The following PLEKHH1 variants were observed in gnomAD, a reference collection of about 807,000 sequenced individuals.
PLEKHH1 encodes pleckstrin homology domain-containing family H member 1.
In PLEKHH1, 104 loss-of-function variants were observed where a neutral mutation model predicts 160.0. The ratio of observed to expected loss-of-function variants is 0.65; its 90% confidence interval spans 0.55 to 0.76. The LOEUF is 0.76. Ranked by LOEUF, PLEKHH1 falls within the 30% of genes least tolerant of loss-of-function variation. The pLI is 0.00. For synonymous variants in PLEKHH1, 619 were observed against 678.4 expected (o/e 0.91, Z 1.36); for missense variants, 1,427 against 1,724.1 (o/e 0.83, Z 3.05).
intron 1 of PLEKHH1, among the ~76,000 whole-genome samples, chr14:67,538,606 C>T (rs1259371148): frequency 6.6e-6 from 1 of 152,148 alleles, no homozygotes; most frequent in Non-Finnish European, 1.5e-5. Context: ...CTCTGACCAC[C>T]TGCTTCTGTC....
intron 2 of PLEKHH1, among the ~76,000 whole-genome samples, chr14:67,555,165 G>A (rs1262432669): frequency 6.6e-6 from 1 of 152,278 alleles, no homozygotes; most frequent in Non-Finnish European, 1.5e-5. Context: ...TGATCTTCCC[G>A]CCTTAGGCTT....
In PLEKHH1 at chr14:67,585,160, C is replaced by T. The variant is rs374504966; in HGVS notation, c.3700-408C>T. The T allele has an allele frequency of 9.6e-4, 158 of 163,838 alleles. 2 individuals carry two copies. The South Asian group carries it at 0.026, about 27-fold the overall frequency. 10.1% of individuals were successfully genotyped at this position (163,838 alleles called of 1,614,324 possible). A position where few individuals can be genotyped will look rare whatever the true frequency, so the allele number is the denominator to read the frequency against. ...AGATTGGCTGAAGTCAGAAGCACTT[C>T]GGCTTGGAGACTATAGGTGGAATGC... On this transcript the variant is annotated intron_variant, in intron 26 of 28. Transcript: ENST00000329153.
At chr14:67,577,879 C>T in intron 18 of PLEKHH1, 144 bp from the exon 19 acceptor site, 1 of 678,864 alleles carries the variant, frequency 1.5e-6, no homozygotes, top group East Asian at 2.7e-5. Context: ...CAGAGATGCC[C>T]TCCAACAGTA....
intron 2 of PLEKHH1, among the ~76,000 whole-genome samples, chr14:67,549,618 T>G (rs1235571651): frequency 6.6e-6 from 1 of 152,180 alleles, no homozygotes; most frequent in East Asian, 1.9e-4. Flanking sequence ...GCTGCCCTCC[T>G]GCTCACCATA....
chr14:67,565,647 C>G (rs72721039), intron 7 of PLEKHH1, among the ~76,000 whole-genome samples: 59,085 of 152,058 alleles, frequency 0.39, 11,868 homozygotes, highest in Non-Finnish European at 0.43. Flanking sequence ...GCAGACATCC[C>G]CTCCACAGAT....
chr14:67,583,171 A>C (rs2035983876), intron 24 of PLEKHH1, among the ~76,000 whole-genome samples: 1 of 152,230 alleles, frequency 6.6e-6, no homozygotes, highest in Non-Finnish European at 1.5e-5. Flanking sequence ...AAGGAAGAGG[A>C]AACAGTAATA....
chr14:67,544,169 G>A lies in PLEKHH1; in HGVS notation c.126+2176G>A, dbSNP rs139888295. On this transcript the variant is annotated intron_variant, in intron 2 of 28. Coordinates refer to ENST00000329153, the MANE Select transcript of PLEKHH1 (RefSeq NM_020715.3). The stretch of plus-strand genomic sequence containing the variant: ...TAAAGGGCTTACCCTAAATAACAAG[G>A]TAGACAAGGAAAGGAAAATCATTCA... Among the ~76,000 whole-genome samples the A allele has an allele frequency of 2.5e-3, 376 of 152,232 alleles. 1 individual carries two copies. The highest frequency in any genetic ancestry group is 4.5e-3 in the Non-Finnish European group (304 of 68,020).
rs757669002 is a variant in PLEKHH1 at position 67,587,154 on chromosome 14, A to T, written c.4014A>T (p.Gly1338=). The T allele has an allele frequency of 2.2e-5, 35 of 1,613,762 alleles. No homozygotes were observed. The highest frequency in any genetic ancestry group is 3.3e-5 in the Admixed American group (2 of 59,974). The change falls in exon 29 of 29, where the codon GGA becomes GGT. Residue 1338 remains glycine (G), a synonymous_variant. Transcript: ENST00000329153. ...TTVNPPTNPP[G]ACQLWELDGR... ...TGAACCCCCCCACCAACCCACCCGG[A>T]GCCTGCCAGCTGTGGGAACTGGATG...
chr14:67,556,911 G>A (rs1445093353), intron 3 of PLEKHH1, among the ~76,000 whole-genome samples: 1 of 152,070 alleles, frequency 6.6e-6, no homozygotes, highest in Non-Finnish European at 1.5e-5. Flanking sequence ...GGTGGGGTTG[G>A]GACAGTTGCT....
At chr14:67,577,961 C>T (rs751717788) in intron 18 of PLEKHH1, 62 bp from the exon 19 acceptor site, 31 of 1,493,848 alleles carry the variant, frequency 2.1e-5, no homozygotes, top group Admixed American at 1.6e-4. Context: ...ATGGCCAAGC[C>T]GTTGAGTTCT....
intron 18 of PLEKHH1, 30 bp from the exon 19 acceptor site, chr14:67,577,993 C>T: frequency 6.3e-7 from 1 of 1,598,062 alleles, no homozygotes; most frequent in Admixed American, 1.7e-5. Context: ...GGATGCTGGT[C>T]TGCCTGTGCT....
chr14:67,575,493 A>G, intron 15 of PLEKHH1, 21 bp downstream of exon 15: 2 of 1,461,776 alleles, frequency 1.4e-6, no homozygotes, highest in Non-Finnish European at 9.5e-7. Context: ...GCCTCCTCAC[A>G]ATACCCACTC....
intron 2 of PLEKHH1, among the ~76,000 whole-genome samples, chr14:67,552,754 A>C (rs2034445518): frequency 7.1e-6 from 1 of 141,562 alleles, no homozygotes; most frequent in African/African-American, 2.6e-5. Flanking sequence ...GCGACAGAGC[A>C]AGACTCTGTC....
intron 1 of PLEKHH1, among the ~76,000 whole-genome samples, chr14:67,537,538 G>A (rs567005420): frequency 6.7e-6 from 1 of 148,454 alleles, no homozygotes; most frequent in African/African-American, 2.6e-5. Flanking sequence ...AGTGGTGCAC[G>A]CCTGTAGTCC....
chr14:67,583,436 G>C (rs540568747), intron 24 of PLEKHH1, among the ~76,000 whole-genome samples: 1 of 152,252 alleles, frequency 6.6e-6, no homozygotes, highest in East Asian at 1.9e-4. Context: ...TTTTGGACTG[G>C]AAGCCAGAAT....
intron 7 of PLEKHH1, among the ~76,000 whole-genome samples, chr14:67,568,696 G>A (rs556134872): frequency 3.3e-5 from 5 of 152,262 alleles, no homozygotes; most frequent in South Asian, 4.1e-4. Flanking sequence ...AGCCCTTGTC[G>A]TGTGGCCGCA....
chr14:67,568,400 A>C (rs2035209989), intron 7 of PLEKHH1, among the ~76,000 whole-genome samples: 1 of 152,174 alleles, frequency 6.6e-6, no homozygotes, highest in South Asian at 2.1e-4. Context: ...GACAATGAGA[A>C]CACATGGACA....
At chr14:67,533,911 G>T (rs1347305902) in intron 1 of PLEKHH1, among the ~76,000 whole-genome samples, 2 of 152,116 alleles carry the variant, frequency 1.3e-5, no homozygotes, top group Non-Finnish European at 2.9e-5. Flanking sequence ...TCTTAGCGAG[G>T]ACTCGGTCAC....
chr14:67,572,014 C>G, intron 10 of PLEKHH1, 112 bp downstream of exon 10: 2 of 1,468,292 alleles, frequency 1.4e-6, no homozygotes, highest in Non-Finnish European at 1.8e-6. Context: ...GACCCCCCAG[C>G]AGCTCCACCC....
Sources: gnomAD v4.1 joint callset for allele counts (sites outside exome capture counted in the v4.1 genomes callset) on GRCh38, gnomAD v4.1.1 for gene constraint, MANE v1.5 for transcripts, NCBI Gene and HGNC (gene_info 2026-07-23, HGNC 2026-07-21) for gene names.